THSD7B: variants seen among roughly 807,000 people sequenced by gnomAD.
THSD7B encodes thrombospondin type 1 domain containing 7B.
THSD7B carries 138 observed loss-of-function variants against 213.6 expected under a neutral mutation model. The ratio of observed to expected loss-of-function variants is 0.65; its 90% CI spans 0.56 to 0.74. The LOEUF (loss-of-function observed/expected upper bound fraction) is 0.74, where lower values mean the gene tolerates loss of function less well. THSD7B is among the 30% of genes least tolerant of loss of function. The probability of loss-of-function intolerance (pLI) is 0.00; values close to 1 mark genes in which losing one functional copy is unlikely to be tolerated. For synonymous variants in THSD7B, 742 were observed against 687.0 expected (o/e 1.08, Z -1.25); for missense variants, 1,931 against 1,991.5 (o/e 0.97, Z 0.58).
At chr2:136,893,398 C>T (rs752543841) in intron 2 of THSD7B, among the ~76,000 whole-genome samples, 1 of 152,194 alleles carries the variant, frequency 6.6e-6, no homozygotes, top group Non-Finnish European at 1.5e-5. Flanking sequence ...CTGGAAATGT[C>T]TCCCTGCACC....
At chr2:137,106,879 A>C (rs1022003371) in intron 4 of THSD7B, among the ~76,000 whole-genome samples, 2 of 152,228 alleles carry the variant, frequency 1.3e-5, no homozygotes, top group African/African-American at 4.8e-5. Context: ...ATCGATTAAA[A>C]GTCAGGAAAC....
rs547273841 is a variant in THSD7B, at chr2:136,888,638, T to C, written c.139+6321T>C. Among the ~76,000 whole-genome samples, 3 of 152,248 alleles carry C rather than the reference T, an allele frequency of 2.0e-5. No individual in the cohort carries two copies. The East Asian group carries it at 5.8e-4, about 29-fold the overall frequency. ...GTTAAATCAGCAATATCCAAAAGTA[T>C]AGACATATGGCCTGGAGTTCACCAC... is the stretch of plus-strand genomic sequence containing the variant. On this transcript the variant is annotated intron_variant, in intron 2 of 27. Coordinates refer to ENST00000409968, the MANE Select transcript of THSD7B (RefSeq NM_001316349.2).
chr2:136,830,429 T>C (rs1682733830), intron 1 of THSD7B, among the ~76,000 whole-genome samples: 1 of 151,524 alleles, frequency 6.6e-6, no homozygotes. Flanking sequence ...TTCCAAGTAC[T>C]CAGATTTCAT....
At chr2:137,272,749 AAAAT>A (rs1165017918) in intron 11 of THSD7B, 87 bp downstream of exon 11, 19 of 1,403,366 alleles carry the variant, frequency 1.4e-5, no homozygotes, top group Non-Finnish European at 1.7e-5. Context: ...CGTTTGGTGA[AAAAT>A]AAGTAAGAGG....
intron 12 of THSD7B, among the ~76,000 whole-genome samples, chr2:137,348,712 T>C (rs928985077): frequency 1.3e-5 from 2 of 149,914 alleles, no homozygotes; most frequent in Non-Finnish European, 3.0e-5. Context: ...CCTTTTTTTT[T>C]TTTTTTTTTT....
chr2:137,547,546 A>G (rs1680765438), intron 15 of THSD7B, among the ~76,000 whole-genome samples: 1 of 152,050 alleles, frequency 6.6e-6, no homozygotes, highest in African/African-American at 2.4e-5. Flanking sequence ...TCTCCAAACT[A>G]CAATGAAGTA....
At chr2:136,961,067 T>C (rs368703227) in intron 2 of THSD7B, among the ~76,000 whole-genome samples, 18 of 85,308 alleles carry the variant, frequency 2.1e-4, no homozygotes, top group East Asian at 1.1e-3. Flanking sequence ...CCAGCCTGGG[T>C]GACAGAGCAA....
chr2:137,394,403 G>A lies in THSD7B; in HGVS notation c.2501-11210G>A, dbSNP rs1340255383. 5.4e-4 allele frequency among the ~76,000 whole-genome samples: 75 copies of A among 137,618 alleles called. 12 individuals are homozygous for A. In the South Asian group the frequency reaches 0.018, roughly 32 times the overall value. 90.3% of individuals were successfully genotyped at this position (137,618 alleles called of 152,430 possible). On this transcript the variant is annotated intron_variant, in intron 12 of 27. Coordinates refer to ENST00000409968, the MANE Select transcript of THSD7B (RefSeq NM_001316349.2). ...ATGGCTAGCCAGTTATCCCAGCACT[G>A]TTTATTAAATAGGGAATCCTTTCCC...
intron 5 of THSD7B, among the ~76,000 whole-genome samples, chr2:137,136,113 G>C (rs913116678): frequency 2.0e-5 from 3 of 152,054 alleles, no homozygotes; most frequent in African/African-American, 7.2e-5. Flanking sequence ...GAGAACACAT[G>C]GACACAGGGG....
At chr2:137,614,419 G>A (rs1406764137) in intron 17 of THSD7B, among the ~76,000 whole-genome samples, 1 of 152,050 alleles carries the variant, frequency 6.6e-6, no homozygotes, top group Non-Finnish European at 1.5e-5. Context: ...CTTACACTAA[G>A]CAGGTACCTA....
At chr2:137,005,158 T>A (rs1158476409) in intron 2 of THSD7B, among the ~76,000 whole-genome samples, 1 of 152,062 alleles carries the variant, frequency 6.6e-6, no homozygotes, top group Non-Finnish European at 1.5e-5. Context: ...CCAGAAGAAC[T>A]AAAATGTTGT....
intron 2 of THSD7B, among the ~76,000 whole-genome samples, chr2:136,985,794 C>T (rs879762522): frequency 3.3e-5 from 5 of 152,224 alleles, no homozygotes; most frequent in East Asian, 1.9e-4. Context: ...GGAAAAGCCA[C>T]AGCGTTGGAA....
chr2:137,542,433 A>T (rs1272075053), intron 15 of THSD7B, among the ~76,000 whole-genome samples: 1 of 151,692 alleles, frequency 6.6e-6, no homozygotes, highest in Non-Finnish European at 1.5e-5. Context: ...GATCAGACCT[A>T]CACTAGATAC....
At chr2:136,890,047 A>C (rs1341020766) in intron 2 of THSD7B, among the ~76,000 whole-genome samples, 3 of 152,020 alleles carry the variant, frequency 2.0e-5, no homozygotes, top group African/African-American at 7.2e-5. Flanking sequence ...TTTCCTTCAG[A>C]ATTTTGAAAG....
In THSD7B at chr2:137,175,622, A is replaced by G. The variant is rs764263970; in HGVS notation, c.1723+4684A>G. 7.9e-5 allele frequency among the ~76,000 whole-genome samples: 12 copies of G among 152,182 alleles called. 1 individual carries two copies. The highest frequency in any genetic ancestry group is 5.9e-4 in the Admixed American group (9 of 15,274). ...TTTCTAGGGGTCTTTGCCTTAAATC[A>G]TTAACTGTGAACACTCCAAGAATGT... On this transcript the variant is annotated intron_variant, in intron 7 of 27. Coordinates refer to ENST00000409968, the MANE Select transcript of THSD7B (RefSeq NM_001316349.2).
rs562587484 is a variant in THSD7B, at chr2:136,991,027, G to T, written c.140-65393G>T. The T allele has an allele frequency of 9.4e-6, 10 of 1,061,154 alleles. No individual in the cohort carries two copies. The African/African-American group carries it at 1.5e-4, about 16-fold the overall frequency. 65.7% of individuals were successfully genotyped at this position (1,061,154 alleles called of 1,614,324 possible). A position where few individuals can be genotyped will look rare whatever the true frequency, so the allele number is the denominator to read the frequency against. On this transcript the variant is annotated intron_variant, in intron 2 of 27. Transcript: ENST00000409968. ...GTGAATACCTGTCCTCCCCAAAAAA[G>T]GAGAAAGAAAGATGGTTATGTGTTA...
intron 1 of THSD7B, among the ~76,000 whole-genome samples, chr2:136,837,226 CT>C (rs1682857450): frequency 6.6e-6 from 1 of 152,194 alleles, no homozygotes; most frequent in Non-Finnish European, 1.5e-5. Context: ...GGAATTAAAT[CT>C]CAAGTCCTTA....
At chr2:137,274,461 A>T (rs564139723) in intron 11 of THSD7B, among the ~76,000 whole-genome samples, 2 of 152,090 alleles carry the variant, frequency 1.3e-5, no homozygotes, top group Non-Finnish European at 2.9e-5. Flanking sequence ...CCCTATGTAG[A>T]ATTGGCAATA....
At chr2:137,437,946 GA>G (rs1268076637) in intron 14 of THSD7B, among the ~76,000 whole-genome samples, 1 of 152,110 alleles carries the variant, frequency 6.6e-6, no homozygotes, top group East Asian at 1.9e-4. Flanking sequence ...TCATTTTGGG[GA>G]AGACTTGAGA....
Sources: allele counts gnomAD v4.1 joint callset (sites outside exome capture counted in the v4.1 genomes callset), GRCh38; gene constraint gnomAD v4.1.1; transcripts MANE v1.5; gene names NCBI Gene and HGNC (gene_info 2026-07-23, HGNC 2026-07-21).